Variants in UPF2 observed in about 807,000 individuals in gnomAD.
UPF2 encodes the protein regulator of nonsense transcripts 2.
Under a neutral mutation model 141.4 loss-of-function variants are expected in UPF2, and 17 were observed. That is an observed-to-expected ratio of 0.12 (90% CI 0.08 to 0.18). The LOEUF (loss-of-function observed/expected upper bound fraction) is 0.18. Ranked by LOEUF, UPF2 falls within the 10% of genes least tolerant of loss-of-function variation. The probability of loss-of-function intolerance (pLI) is 1.00; values close to 1 mark genes in which losing one functional copy is unlikely to be tolerated. For missense variants in UPF2, 1,152 were observed against 1,515.9 expected (o/e 0.76, Z 3.99); for synonymous variants, 540 against 498.0 (o/e 1.08, Z -1.12).
Position 11,921,141 on chromosome 10 carries a change from G to A in UPF2, c.*157C>T. On this transcript the variant is annotated 3_prime_UTR_variant, in exon 22 of 22. Transcript: ENST00000357604. The surrounding 1 kb of genome is among the most constrained non-coding windows in gnomAD (Gnocchi z 5.9). Reference sequence around the variant, plus strand: ...TGTTCCGGTGTTGGCAGAGGCTGGTGTTTCTGCCTCCTGGCCCCAGCCTGT... The same window carrying A: ...TGTTCCGGTGTTGGCAGAGGCTGGTATTTCTGCCTCCTGGCCCCAGCCTGT... 1 of 1,021,196 alleles carries A rather than the reference G, an allele frequency of 9.8e-7. No homozygotes were observed. The highest frequency in any genetic ancestry group is 2.4e-5 in the East Asian group (1 of 42,100). 63.3% of individuals were successfully genotyped at this position (1,021,196 alleles called of 1,614,324 possible). A position where few individuals can be genotyped will look rare whatever the true frequency, so the allele number is the denominator to read the frequency against.
chr10:12,021,010 T>C (rs570605371), intron 3 of UPF2, among the ~76,000 whole-genome samples: 1 of 152,202 alleles, frequency 6.6e-6, no homozygotes, highest in Non-Finnish European at 1.5e-5. Context: ...TTTGACTTGG[T>C]AAATATTGAG....
At chr10:12,024,655 G>C (rs373241756) in intron 3 of UPF2, among the ~76,000 whole-genome samples, 20 of 151,036 alleles carry the variant, frequency 1.3e-4, no homozygotes, top group African/African-American at 4.1e-4. Flanking sequence ...GGGTGGCACC[G>C]AGCACAGTGG....
intron 8 of UPF2, among the ~76,000 whole-genome samples, chr10:11,983,725 A>C (rs1485440860): frequency 6.6e-6 from 1 of 151,844 alleles, no homozygotes; most frequent in Non-Finnish European, 1.5e-5. Context: ...CTAGTGTTTT[A>C]CTTGGAATTT....
intron 8 of UPF2, among the ~76,000 whole-genome samples, chr10:11,983,718 G>A (rs946091876): frequency 2.6e-5 from 4 of 152,050 alleles, no homozygotes; most frequent in Non-Finnish European, 4.4e-5. Context: ...TGATTTGCTA[G>A]TGTTTTACTT....
chr10:12,035,717 ACCTCCACGTACCCATCACTC>A, intron 1 of UPF2: 4 of 240,360 alleles, frequency 1.7e-5, no homozygotes. Flanking sequence ...AATATAAGGA[ACCTCCACGTACCCATCACTC>A]AGATTCAGCC....
intron 9 of UPF2, among the ~76,000 whole-genome samples, chr10:11,969,581 A>C (rs554606496): frequency 3.9e-5 from 6 of 152,326 alleles, no homozygotes; most frequent in African/African-American, 1.4e-4. Flanking sequence ...TACTCAATAA[A>C]CTTGACTGCT....
chr10:12,012,130 C>T (rs10906047), intron 4 of UPF2, among the ~76,000 whole-genome samples: 149,713 of 149,714 alleles, frequency 1, 74,856 homozygotes, highest in Non-Finnish European at 1. Context: ...TGGCGCGAGC[C>T]TGGCTCTCTG....
Position 12,030,767 on chromosome 10 carries a change from CCA to C in UPF2, c.366-1245_366-1244del, listed in dbSNP as rs149912801. Reference sequence around the variant, plus strand: ...GGCATGGTTGCACGCGCCTGTAGTCCCAGCTACTCAGGAGGCTGAGGCAGCAG... The same window carrying C: ...GGCATGGTTGCACGCGCCTGTAGTCCGCTACTCAGGAGGCTGAGGCAGCAG... On this transcript the variant is annotated intron_variant, in intron 2 of 21. Coordinates refer to ENST00000357604, the MANE Select transcript of UPF2 (RefSeq NM_015542.4). Among the ~76,000 whole-genome samples the C allele has an allele frequency of 5.1e-3, 765 of 151,348 alleles. 3 individuals are homozygous for C. The highest frequency in any genetic ancestry group is 8.6e-3 in the Non-Finnish European group (581 of 67,864).
intron 19 of UPF2, among the ~76,000 whole-genome samples, chr10:11,934,016 A>C (rs917767941): frequency 6.6e-6 from 1 of 152,222 alleles, no homozygotes. Context: ...AGATATGTGC[A>C]TGTGTGCATG....
intron 8 of UPF2, among the ~76,000 whole-genome samples, chr10:11,986,350 C>G (rs935430557): frequency 9.2e-5 from 14 of 152,050 alleles, no homozygotes; most frequent in African/African-American, 2.9e-4. Context: ...AAGTATCCTA[C>G]CAGCAGTTAA....
rs1217102904 is a variant in UPF2 at position 11,935,830 on chromosome 10, G to A, written c.3546+715C>T. ...GACAAATCAACTATGGATCGCTAGA[G>A]TAACAGCTTGGTAGAGGGGGAAACG... On this transcript the variant is annotated intron_variant, in intron 19 of 21. Transcript: ENST00000357604. The surrounding 1 kb of genome is among the most constrained non-coding windows in gnomAD (Gnocchi z 4.9). Among the ~76,000 whole-genome samples, 1 of 152,162 alleles carries A rather than the reference G, an allele frequency of 6.6e-6. No individual in the cohort carries two copies. The highest frequency in any genetic ancestry group is 2.4e-5 in the African/African-American group (1 of 41,436).
chr10:11,929,916 T>C lies in UPF2; in HGVS notation c.3758A>G (p.Gln1253Arg). The C allele has an allele frequency of 6.2e-7, 1 of 1,614,222 alleles. No individual in the cohort carries two copies. The highest frequency in any genetic ancestry group is 2.2e-5 in the East Asian group (1 of 44,882). ...TGCATTAGGTGCTCCCTTCGGATGT[T>C]GGTAGCGAGGCCGCCTCTCACGATT... ...NTNRERRPRY[Q>R]HPKGAPNADL... The change falls in exon 21 of 22, where the codon CAA (glutamine) becomes CGA (arginine). Residue 1253 changes from glutamine to arginine, a missense_variant. Around this residue, in one of 4 missense-constraint regions of UPF2, gnomAD observed 66 missense variants for 123.5 expected, o/e 0.53. Coordinates refer to ENST00000357604, the MANE Select transcript of UPF2 (RefSeq NM_015542.4).
chr10:11,951,743 T>C lies in UPF2; in HGVS notation c.3034+323A>G, dbSNP rs139109951. On this transcript the variant is annotated intron_variant, in intron 15 of 21. Transcript: ENST00000357604. ...ATATACGCAAAAATAAGAAATGCTT[T>C]AATAAAAAATAGATTTTATATTAGC... Among the ~76,000 whole-genome samples, 237 of 152,358 alleles carry C rather than the reference T, an allele frequency of 1.6e-3. 1 individual carries two copies. Among genetic ancestry groups the C allele is most frequent in the African/African-American group, 5.3e-3 (219 of 41,586 alleles).
intron 14 of UPF2, among the ~76,000 whole-genome samples, chr10:11,954,094 G>C (rs1833111635): frequency 1.3e-5 from 2 of 151,956 alleles, no homozygotes; most frequent in African/African-American, 2.4e-5. Context: ...ATAGTAATTG[G>C]GCTCCAACTA....
chr10:12,022,880 G>A (rs1359378714), intron 3 of UPF2, among the ~76,000 whole-genome samples: 2 of 152,070 alleles, frequency 1.3e-5, no homozygotes, highest in East Asian at 1.9e-4. Context: ...ACAATGGGCA[G>A]ACGAAAAAGT....
intron 19 of UPF2, among the ~76,000 whole-genome samples, chr10:11,933,044 T>C (rs1832801352): frequency 6.6e-6 from 1 of 152,198 alleles, no homozygotes; most frequent in South Asian, 2.1e-4. Flanking sequence ...AATATTTAAA[T>C]CTAGAAAAAA....
Position 11,939,751 on chromosome 10 carries a change from A to T in UPF2, c.3378+2914T>A, listed in dbSNP as rs1332924819. 2.6e-5 allele frequency among the ~76,000 whole-genome samples: 4 copies of T among 151,644 alleles called. No individual in the cohort carries two copies. Among genetic ancestry groups the T allele is most frequent in the Non-Finnish European group, 1.5e-5 (1 of 67,834 alleles). On this transcript the variant is annotated intron_variant, in intron 18 of 21. Coordinates refer to ENST00000357604, the MANE Select transcript of UPF2 (RefSeq NM_015542.4). This position sits in a 1 kb window ranked among gnomAD's most constrained non-coding sequence, Gnocchi z 4.8. ...AGGCTGGTCTTGAACTCCTGACCTC[A>T]GGTGATCCACCCGCCTCGGCCTCCC...
chr10:11,975,666 G>A (rs868813022), intron 9 of UPF2, among the ~76,000 whole-genome samples: 1 of 151,082 alleles, frequency 6.6e-6, no homozygotes. Context: ...GTGCCACCAC[G>A]CCCGGCTAAT....
chr10:11,945,871 A>C lies in UPF2; in HGVS notation c.3174+2498T>G, dbSNP rs151120275. Among the ~76,000 whole-genome samples the C allele has an allele frequency of 3.3e-5, 5 of 152,314 alleles. No individual in the cohort carries two copies. In the East Asian group the frequency reaches 9.6e-4, roughly 29 times the overall value. On this transcript the variant is annotated intron_variant, in intron 16 of 21. Coordinates refer to ENST00000357604, the MANE Select transcript of UPF2 (RefSeq NM_015542.4). ...AGATTAGTCTGAAAATATGAAATGGAAATAGTTTCTCATTTCCCTTTGTTG... is the reference window on the plus strand; with the variant it reads ...AGATTAGTCTGAAAATATGAAATGGCAATAGTTTCTCATTTCCCTTTGTTG...
Sources: allele counts gnomAD v4.1 joint callset (sites outside exome capture counted in the v4.1 genomes callset), GRCh38; gene constraint gnomAD v4.1.1; regional missense constraint gnomAD v4.1.1; non-coding constraint Gnocchi (gnomAD v3.1); transcripts MANE v1.5; gene names NCBI Gene and HGNC (gene_info 2026-07-23, HGNC 2026-07-21).